The following ITGAV variants were observed in gnomAD, a reference collection of about 807,000 sequenced individuals.
The protein encoded by ITGAV is integrin subunit alpha V, also known as integrin alpha-V.
Under a neutral mutation model 143.8 loss-of-function variants are expected in ITGAV, and 76 were observed. That is an observed-to-expected ratio of 0.53 (90% CI 0.44 to 0.64). The LOEUF (loss-of-function observed/expected upper bound fraction) is 0.64, where lower values mean the gene tolerates loss of function less well. Ranked by LOEUF, ITGAV falls within the 30% of genes least tolerant of loss-of-function variation. The pLI, the probability that ITGAV is intolerant of heterozygous loss-of-function variation, is 0.00. For synonymous variants in ITGAV, 453 were observed against 446.7 expected, an observed-to-expected ratio of 1.01 and a Z score of -0.18; for missense variants, 1,193 against 1,274.7, an observed-to-expected ratio of 0.94 and a Z score of 0.98.
chr2:186,598,491 G>T (rs922483818), intron 1 of ITGAV, among the ~76,000 whole-genome samples: 1 of 138,538 alleles, frequency 7.2e-6, no homozygotes, highest in Admixed American at 7.9e-5. Flanking sequence ...AGGCTGGACT[G>T]CAGTGGCGCA....
intron 2 of ITGAV, 147 bp downstream of exon 2, chr2:186,602,298 A>C (rs1277142111): frequency 1.7e-6 from 1 of 599,670 alleles, no homozygotes; most frequent in Non-Finnish European, 2.7e-6. Flanking sequence ...CAAACGATTT[A>C]TTATATGATT....
chr2:186,673,935 T>A (rs149720747), intron 26 of ITGAV, among the ~76,000 whole-genome samples: 162 of 152,184 alleles, frequency 1.1e-3, no homozygotes, highest in South Asian at 0.011. Context: ...CTCCCGAAAG[T>A]TCTAGAATTA....
intron 4 of ITGAV, among the ~76,000 whole-genome samples, chr2:186,629,588 T>A (rs887782203): frequency 3.9e-5 from 6 of 151,950 alleles, no homozygotes; most frequent in South Asian, 2.1e-4. Context: ...AAAAAAACTT[T>A]AAAAAAATTT....
At chr2:186,623,376 T>C (rs1475598044) in intron 3 of ITGAV, among the ~76,000 whole-genome samples, 1 of 152,186 alleles carries the variant, frequency 6.6e-6, no homozygotes, top group African/African-American at 2.4e-5. Context: ...TAAATTTTTC[T>C]TCTCTTGGTT....
intron 8 of ITGAV, among the ~76,000 whole-genome samples, chr2:186,637,941 T>C (rs1452119252): frequency 6.6e-6 from 1 of 152,200 alleles, no homozygotes; most frequent in Non-Finnish European, 1.5e-5. Context: ...CAGTTTGCTC[T>C]GTATTATTTT....
chr2:186,638,897 CTTT>C (rs757207733), intron 10 of ITGAV, among the ~76,000 whole-genome samples: 3 of 130,730 alleles, frequency 2.3e-5, no homozygotes, highest in African/African-American at 2.8e-5. Flanking sequence ...TTTTTGTTTC[CTTT>C]TTTTTTTTTT....
Position 186,590,152 on chromosome 2 carries a change from C to G in ITGAV, c.-187C>G, listed in dbSNP as rs1219817863. The G allele has an allele frequency of 8.8e-6, 4 of 454,784 alleles. No homozygotes were observed. Among genetic ancestry groups the G allele is most frequent in the African/African-American group, 2.1e-5 (1 of 48,466 alleles). 28.2% of individuals were successfully genotyped at this position (454,784 alleles called of 1,614,324 possible). Reference sequence around the variant, plus strand: ...CCCGCCCCGCGCGCTCTGCGCCCCTCGTCCCTGGCGGTCGCTCCGAAGCTC... The same window carrying G: ...CCCGCCCCGCGCGCTCTGCGCCCCTGGTCCCTGGCGGTCGCTCCGAAGCTC... On this transcript the variant is annotated 5_prime_UTR_variant, in exon 1 of 30. Transcript: ENST00000261023.
At position 186,676,854 on chromosome 2, in the gene ITGAV, G is replaced by T. The variant is rs182320312; in HGVS notation, c.2970G>T (p.Met990Ile). The T allele has an allele frequency of 6.8e-6, 11 of 1,614,100 alleles. No homozygotes were observed. The Admixed American group carries it at 1.8e-4, about 27-fold the overall frequency. Residue 990 changes from methionine to isoleucine, a missense_variant, in exon 29 of 30, where the codon ATG becomes ATT. By Grantham distance (10) the Met-to-Ile change is conservative. Coordinates refer to ENST00000261023, the MANE Select transcript of ITGAV (RefSeq NM_002210.5). ...NVTWGIQPAP[M>I]PVPVWVIILA... ...CCTGGGGCATTCAGCCAGCGCCCAT[G>T]CCTGTGCCTGTGTGGGTGATCATTT...
chr2:186,632,416 A>G (rs954472740), intron 5 of ITGAV, among the ~76,000 whole-genome samples: 4 of 136,092 alleles, frequency 2.9e-5, no homozygotes, highest in Admixed American at 1.4e-4. Context: ...GATGACTTAG[A>G]AGTTCTTTTA....
Position 186,636,214 on chromosome 2 carries a change from A to G in ITGAV, c.757+7A>G. 6.2e-7 allele frequency: 1 copy of G among 1,606,822 alleles called. No individual in the cohort carries two copies. Among genetic ancestry groups the G allele is most frequent in the Non-Finnish European group, 8.5e-7 (1 of 1,177,542 alleles). The stretch of plus-strand genomic sequence containing the variant: ...TTTGATGACAGCTATTTGGGTAGGT[A>G]AAACCAAAATTTACTCATTTTTGGA... On this transcript the variant is annotated splice_region_variant and intron_variant, in intron 7 of 29. Transcript: ENST00000261023.
In ITGAV at chr2:186,592,502, A is replaced by G. The variant is rs1368701222; in HGVS notation, c.185+1979A>G. Among the ~76,000 whole-genome samples, 11 of 152,264 alleles carry G rather than the reference A, an allele frequency of 7.2e-5. No homozygotes were observed. The East Asian group carries it at 1.7e-3, about 24-fold the overall frequency. On this transcript the variant is annotated intron_variant, in intron 1 of 29. Coordinates refer to ENST00000261023, the MANE Select transcript of ITGAV (RefSeq NM_002210.5). ...ATAAAGTTGATGGCAGTGTTTTACA[A>G]TGTTACTGTTAATTCTTCAGCAGTG...
chr2:186,647,162 C>G (rs1455927249), intron 13 of ITGAV, among the ~76,000 whole-genome samples: 1 of 151,322 alleles, frequency 6.6e-6, no homozygotes, highest in Non-Finnish European at 1.5e-5. Context: ...AATGCTCATT[C>G]TAAGCTGTTT....
chr2:186,640,162 A>G (rs1688062303), intron 10 of ITGAV, among the ~76,000 whole-genome samples: 3 of 152,168 alleles, frequency 2.0e-5, no homozygotes, highest in East Asian at 1.9e-4. Flanking sequence ...TTTGTTTTGC[A>G]CTTTCAGCTC....
chr2:186,663,897 T>C, intron 19 of ITGAV, 62 bp downstream of exon 19: 1 of 1,102,728 alleles, frequency 9.1e-7, no homozygotes, highest in Non-Finnish European at 1.4e-6. Context: ...CATTTTTCTA[T>C]TCAAAGGACT....
rs1686918543 is a variant in ITGAV at position 186,601,927 on chromosome 2, A to G, written c.186-94A>G. On this transcript the variant is annotated intron_variant, in intron 1 of 29. Coordinates refer to ENST00000261023, the MANE Select transcript of ITGAV (RefSeq NM_002210.5). The stretch of plus-strand genomic sequence containing the variant: ...AAATGGTTTTAAAAAATATTTATAG[A>G]TAATATCAAGAGAATGATTGCTCCT... 12 of 1,263,638 alleles carry G rather than the reference A, an allele frequency of 9.5e-6. No individual in the cohort carries two copies. In the South Asian group the frequency reaches 1.8e-4, roughly 19 times the overall value. The allele number at this position is 1,263,638 out of a possible 1,614,324, so 78.3% of individuals were successfully genotyped here.
In ITGAV at chr2:186,664,519, G is replaced by C; in HGVS notation, c.1951G>C (p.Asp651His). The change falls in exon 20 of 30, where the codon GAT becomes CAT. Residue 651 changes from aspartate to histidine, a missense_variant. Physicochemically the swap from Asp to His is moderately conservative, Grantham distance 81. Transcript: ENST00000261023. ...TGATCAAAAGAAGATCTATATTGGG[G>C]ATGACAACCCTCTGACATTGATTGT... Reference protein sequence around the residue: ...DSDQKKIYIGDDNPLTLIVKA... With the variant: ...DSDQKKIYIGHDNPLTLIVKA... 6.2e-7 allele frequency: 1 copy of C among 1,613,918 alleles called. No homozygotes were observed. The highest frequency in any genetic ancestry group is 1.3e-5 in the African/African-American group (1 of 75,014).
chr2:186,618,054 CATGA>C (rs1246949481), intron 2 of ITGAV, among the ~76,000 whole-genome samples: 1 of 152,226 alleles, frequency 6.6e-6, no homozygotes, highest in Admixed American at 6.5e-5. Context: ...TCACCCAGGT[CATGA>C]ATGAACTTCT....
At chr2:186,610,553 G>T (rs1407312225) in intron 2 of ITGAV, among the ~76,000 whole-genome samples, 5 of 152,100 alleles carry the variant, frequency 3.3e-5, no homozygotes, top group African/African-American at 1.2e-4. Context: ...AATAGCAGTT[G>T]CCCTCTTGGA....
chr2:186,622,156 A>G lies in ITGAV; in HGVS notation c.317-183A>G, dbSNP rs182582336. On this transcript the variant is annotated intron_variant, in intron 2 of 29. Coordinates refer to ENST00000261023, the MANE Select transcript of ITGAV (RefSeq NM_002210.5). ...CTGAGACACTTCTGGGTCATCATGTATCCTATGTTTCTGATTACTTGAAAG... is the reference window on the plus strand; with the variant it reads ...CTGAGACACTTCTGGGTCATCATGTGTCCTATGTTTCTGATTACTTGAAAG... 2.3e-3 allele frequency among the ~76,000 whole-genome samples: 356 copies of G among 152,322 alleles called. 6 individuals are homozygous for G. Among genetic ancestry groups the G allele is most frequent in the Non-Finnish European group, 4.4e-4 (30 of 68,018 alleles).
Sources: gnomAD v4.1 joint callset for allele counts (sites outside exome capture counted in the v4.1 genomes callset) on GRCh38, gnomAD v4.1.1 for gene constraint, MANE v1.5 for transcripts, NCBI Gene and HGNC (gene_info 2026-07-23, HGNC 2026-07-21) for gene names.